The following FAM149B1 variants were observed in gnomAD, a reference collection of about 807,000 sequenced individuals.
FAM149B1 encodes primary cilium assembly protein FAM149B1.
In FAM149B1, 56 loss-of-function variants were observed where a neutral mutation model predicts 75.3. The observed-to-expected ratio is 0.74, with a 90% confidence interval of 0.60 to 0.93. FAM149B1 has a LOEUF of 0.93. Among genes scored for constraint, FAM149B1 ranks in the 40% least tolerant of loss-of-function variants. The pLI is 0.00. For missense variants in FAM149B1, 639 were observed against 708.4 expected, an observed-to-expected ratio of 0.90 and a Z score of 1.11; for synonymous variants, 259 against 256.1, an observed-to-expected ratio of 1.01 and a Z score of -0.11.
chr10:73,215,422 A>C (rs568477223), intron 7 of FAM149B1, among the ~76,000 whole-genome samples: 1 of 151,626 alleles, frequency 6.6e-6, no homozygotes, highest in Admixed American at 6.6e-5. Flanking sequence ...GGGTTTTGCT[A>C]TGTTGCCCAG....
intron 3 of FAM149B1, 60 bp downstream of exon 3, chr10:73,178,035 T>C: frequency 6.8e-7 from 1 of 1,468,560 alleles, no homozygotes; most frequent in Non-Finnish European, 9.1e-7. Context: ...GAATTAGGAT[T>C]TGTCAGTATA....
In FAM149B1 at chr10:73,190,721, C is replaced by CTTT. The variant is rs35231374; in HGVS notation, c.283-1820_283-1818dup. 1.8e-3 allele frequency among the ~76,000 whole-genome samples: 248 copies of CTTT among 134,280 alleles called. 4 individuals are homozygous for CTTT. Among genetic ancestry groups the CTTT allele is most frequent in the African/African-American group, 6.4e-3 (233 of 36,552 alleles). 88.1% of individuals were successfully genotyped at this position (134,280 alleles called of 152,430 possible). On this transcript the variant is annotated intron_variant, in intron 3 of 13. Transcript: ENST00000242505. Reference sequence around the variant, plus strand: ...CATTTTGTAACCATCCCTCTGACTGCTTTTTTTTTTTTTTTTTAAGAGATG... The same window carrying CTTT: ...CATTTTGTAACCATCCCTCTGACTGCTTTTTTTTTTTTTTTTTTTTAAGAGATG...
Position 73,241,181 on chromosome 10 carries a change from C to A in FAM149B1, c.*162C>A. On this transcript the variant is annotated 3_prime_UTR_variant, in exon 14 of 14. Coordinates refer to ENST00000242505, the MANE Select transcript of FAM149B1 (RefSeq NM_173348.2). ...ACCGAAGAACAAAACACCATAGCAG[C>A]CAAAAATGACATGAGTGTTGTTTCT... 2 of 591,014 alleles carry A rather than the reference C, an allele frequency of 3.4e-6. No individual in the cohort carries two copies. The highest frequency in any genetic ancestry group is 2.6e-5 in the Admixed American group (1 of 38,202). 36.6% of individuals were successfully genotyped at this position (591,014 alleles called of 1,614,324 possible).
intron 1 of FAM149B1, among the ~76,000 whole-genome samples, chr10:73,170,524 A>AAAAAT (rs3834906): frequency 0.16 from 23,828 of 151,948 alleles, 3,085 homozygotes; most frequent in African/African-American, 0.33. Context: ...ATAAATAAAT[A>AAAAAT]AAAATAAGAA....
chr10:73,193,489 G>A lies in FAM149B1; in HGVS notation c.438G>A (p.Arg146=), dbSNP rs921444412. The A allele has an allele frequency of 6.5e-7, 1 of 1,548,758 alleles. No individual in the cohort carries two copies. Among genetic ancestry groups the A allele is most frequent in the Non-Finnish European group, 8.7e-7 (1 of 1,146,308 alleles). Residue 146 remains arginine (R), a synonymous_variant, in exon 5 of 14, where the codon AGG becomes AGA. Transcript: ENST00000242505. ...ASFPHLRILG[R]QIITPSEGYR... is the part of the protein sequence containing the mutation. The stretch of plus-strand genomic sequence containing the variant: ...CTTCATTTTGAAGGATTCTAGGTAG[G>A]CAGATAATCACTCCAAGTGAAGGTT...
At chr10:73,176,365 G>A (rs750239647) in intron 2 of FAM149B1, among the ~76,000 whole-genome samples, 1 of 152,176 alleles carries the variant, frequency 6.6e-6, no homozygotes, top group Non-Finnish European at 1.5e-5. Flanking sequence ...ACAGGCCACA[G>A]ACCAGCACCG....
intron 7 of FAM149B1, among the ~76,000 whole-genome samples, chr10:73,224,045 G>A (rs948872167): frequency 6.6e-6 from 1 of 152,088 alleles, no homozygotes; most frequent in Non-Finnish European, 1.5e-5. Context: ...TTATTGTATT[G>A]TAACTGTAAT....
intron 2 of FAM149B1, among the ~76,000 whole-genome samples, chr10:73,175,827 C>T (rs1204476451): frequency 2.6e-5 from 4 of 152,050 alleles, no homozygotes; most frequent in South Asian, 2.1e-4. Context: ...GGTCCTACAA[C>T]TTATTAGCTG....
At chr10:73,181,093 G>A (rs567992719) in intron 3 of FAM149B1, among the ~76,000 whole-genome samples, 11 of 150,332 alleles carry the variant, frequency 7.3e-5, no homozygotes, top group African/African-American at 2.2e-4. Context: ...TGCAAGCTCC[G>A]CCTCCCGGGT....
At chr10:73,190,231 G>T (rs2042646386) in intron 3 of FAM149B1, among the ~76,000 whole-genome samples, 1 of 151,144 alleles carries the variant, frequency 6.6e-6, no homozygotes, top group Non-Finnish European at 1.5e-5. Flanking sequence ...GTTCAAAGAA[G>T]TAGTCACTGA....
In FAM149B1 at chr10:73,233,046, C is replaced by G; in HGVS notation, c.1235C>G (p.Thr412Arg). The G allele has an allele frequency of 6.4e-7, 1 of 1,551,610 alleles. No individual in the cohort carries two copies. ...VEFSTSSLSY[T>R]VQSTRRRNPP... ...TTTAGTACATCATCTCTGTCATACA[C>G]AGTGCAGTCCACCAGGAGACGCAAT... Residue 412 changes from threonine to arginine, a missense_variant, in exon 10 of 14, where the codon ACA becomes AGA. Thr to Arg is a moderately conservative substitution (Grantham distance 71). Coordinates refer to ENST00000242505, the MANE Select transcript of FAM149B1 (RefSeq NM_173348.2).
At chr10:73,206,143 G>C (rs1400092615) in intron 5 of FAM149B1, among the ~76,000 whole-genome samples, 11 of 152,240 alleles carry the variant, frequency 7.2e-5, no homozygotes, top group Non-Finnish European at 1.5e-5. Context: ...CTGGAAGAAA[G>C]GGCATGTGTG....
At chr10:73,226,727 A>G (rs868675960) in intron 7 of FAM149B1, among the ~76,000 whole-genome samples, 2 of 152,244 alleles carry the variant, frequency 1.3e-5, no homozygotes, top group African/African-American at 2.4e-5. Flanking sequence ...GAGCTCAATA[A>G]ATGTTAGCTA....
chr10:73,209,181 G>A (rs1398897679), intron 6 of FAM149B1, among the ~76,000 whole-genome samples: 1 of 152,204 alleles, frequency 6.6e-6, no homozygotes, highest in Non-Finnish European at 1.5e-5. Flanking sequence ...GGGCGCGGTG[G>A]CTCACACTTG....
chr10:73,243,163 C>T lies in FAM149B1; in HGVS notation c.*2144C>T, dbSNP rs1271861894. ...AGGAAGGACACTGCCTCCCTCCACC[C>T]TCCCAAATGTCACCACCAAGTTCCT... On this transcript the variant is annotated 3_prime_UTR_variant, in exon 14 of 14. Transcript: ENST00000242505. 8.4e-6 allele frequency: 4 copies of T among 473,806 alleles called. No individual in the cohort carries two copies. Among genetic ancestry groups the T allele is most frequent in the African/African-American group, 4.0e-5 (2 of 50,442 alleles). The allele number at this position is 473,806 out of a possible 1,614,324, so 29.4% of individuals were successfully genotyped here.
chr10:73,223,936 C>T (rs1484297022), intron 7 of FAM149B1, among the ~76,000 whole-genome samples: 2 of 152,134 alleles, frequency 1.3e-5, no homozygotes, highest in Non-Finnish European at 2.9e-5. Context: ...TCAACCACCA[C>T]GTACCAGATA....
rs746191785 is a variant in FAM149B1, at chr10:73,208,805, A to G, written c.710+19A>G. The G allele has an allele frequency of 1.4e-6, 2 of 1,406,188 alleles. No homozygotes were observed. Among genetic ancestry groups the G allele is most frequent in the South Asian group, 3.4e-5 (2 of 58,280 alleles). 87.1% of individuals were successfully genotyped at this position (1,406,188 alleles called of 1,614,324 possible). A position where few individuals can be genotyped will look rare whatever the true frequency, so the allele number is the denominator to read the frequency against. On this transcript the variant is annotated intron_variant, in intron 6 of 13. Coordinates refer to ENST00000242505, the MANE Select transcript of FAM149B1 (RefSeq NM_173348.2). ...TAGATATGTGAGTATTATGCCTTTT[A>G]AGCTTTTTACTCCCCTCTTATTTTG...
chr10:73,227,280 G>A (rs1308504130), intron 7 of FAM149B1, among the ~76,000 whole-genome samples: 4 of 151,780 alleles, frequency 2.6e-5, no homozygotes, highest in South Asian at 2.1e-4. Context: ...TAGAGATGGC[G>A]GTCTCCTTAT....
At chr10:73,172,012 A>AT (rs1843739442) in intron 1 of FAM149B1, among the ~76,000 whole-genome samples, 1 of 152,070 alleles carries the variant, frequency 6.6e-6, no homozygotes, top group Admixed American at 6.5e-5. Flanking sequence ...ACCCCTATAT[A>AT]TGTCATTATG....
Sources: gnomAD v4.1 joint callset for allele counts (sites outside exome capture counted in the v4.1 genomes callset) on GRCh38, gnomAD v4.1.1 for gene constraint, MANE v1.5 for transcripts, NCBI Gene and HGNC (gene_info 2026-07-23, HGNC 2026-07-21) for gene names.